ATP1B1: variants seen among roughly 807,000 people sequenced by gnomAD.
ATP1B1 encodes ATPase Na+/K+ transporting subunit beta 1.
In ATP1B1, 3 loss-of-function variants were observed where a neutral mutation model predicts 39.6. The observed-to-expected ratio is 0.08, with a 90% CI of 0.03 to 0.20. ATP1B1 has a LOEUF of 0.20. Among genes scored for constraint, ATP1B1 ranks in the 10% least tolerant of loss-of-function variants. ATP1B1 has a pLI of 1.00. For synonymous variants in ATP1B1, 139 were observed against 135.0 expected (o/e 1.03, Z -0.20); for missense variants, 216 against 371.1 (o/e 0.58, Z 3.43).
At chr1:169,120,956 T>TC in intron 2 of ATP1B1, among the ~76,000 whole-genome samples, 1 of 149,684 alleles carries the variant, frequency 6.7e-6, no homozygotes. Context: ...TTTTCTTTTT[T>TC]TTTTTTTTTG....
At chr1:169,117,153 T>C in intron 2 of ATP1B1, among the ~76,000 whole-genome samples, 1 of 152,202 alleles carries the variant, frequency 6.6e-6, no homozygotes, top group Non-Finnish European at 1.5e-5. Context: ...ATCTCTCAGC[T>C]GACGCGATGT....
chr1:169,124,545 C>T (rs112003214), intron 2 of ATP1B1, among the ~76,000 whole-genome samples: 207 of 152,316 alleles, frequency 1.4e-3, no homozygotes, highest in Non-Finnish European at 2.4e-3. Flanking sequence ...TGGAGTACAG[C>T]ACACCTGGGT....
In ATP1B1 at chr1:169,131,650, TG is replaced by T; in HGVS notation, c.*98del. ...AGTCTTGAACAAACTGTCATACGTA[TG>T]GGACCTACACTTAATCTATATGCTT... On this transcript the variant is annotated 3_prime_UTR_variant, in exon 6 of 6. Transcript: ENST00000367815. This position sits in a 1 kb window ranked among gnomAD's most constrained non-coding sequence, Gnocchi z 4.4. The T allele has an allele frequency of 1.5e-6, 2 of 1,376,942 alleles. No individual in the cohort carries two copies. The highest frequency in any genetic ancestry group is 2.0e-6 in the Non-Finnish European group (2 of 1,013,928). 85.3% of individuals were successfully genotyped at this position (1,376,942 alleles called of 1,614,324 possible). A position where few individuals can be genotyped will look rare whatever the true frequency, so the allele number is the denominator to read the frequency against.
intron 1 of ATP1B1, among the ~76,000 whole-genome samples, chr1:169,111,145 C>T (rs1433484092): frequency 6.6e-6 from 1 of 151,976 alleles, no homozygotes; most frequent in African/African-American, 2.4e-5. Flanking sequence ...CTGAACATTC[C>T]TCCTACCCTT....
chr1:169,115,499 C>T lies in ATP1B1; in HGVS notation c.226+4001C>T, dbSNP rs531125979. 3.9e-5 allele frequency among the ~76,000 whole-genome samples: 6 copies of T among 151,936 alleles called. No individual in the cohort carries two copies. In the East Asian group the frequency reaches 9.9e-4, roughly 25 times the overall value. ...GAGTAGCTGGGGCTACAGGTGCGCG[C>T]CACCATGCCCAGCTAATTTTTGTAT... On this transcript the variant is annotated intron_variant, in intron 2 of 5. Transcript: ENST00000367815.
In ATP1B1 at chr1:169,127,227, T is replaced by C. The variant is rs748184135; in HGVS notation, c.386T>C (p.Val129Ala). ...DDMIFEDCGD[V>A]PSEPKERGDF... is the part of the protein sequence containing the mutation. ...AAAGTTGTGTTTTTATTTTTAGATG[T>C]GCCCAGTGAACCGAAAGAACGAGGA... Residue 129 changes from valine (V) to alanine (A), a missense_variant, in exon 4 of 6, where the codon GTG (valine) becomes GCG (alanine). Physicochemically the swap from Val to Ala is moderately conservative, Grantham distance 64. Transcript: ENST00000367815. 6.4e-7 allele frequency: 1 copy of C among 1,570,028 alleles called. No individual in the cohort carries two copies. Among genetic ancestry groups the C allele is most frequent in the South Asian group, 1.2e-5 (1 of 81,178 alleles).
Position 169,132,253 on chromosome 1 carries a change from G to T in ATP1B1, c.*698G>T. On this transcript the variant is annotated 3_prime_UTR_variant, in exon 6 of 6. Coordinates refer to ENST00000367815, the MANE Select transcript of ATP1B1 (RefSeq NM_001677.4). ...TTGTGTTATGCTTGTATTGAATGCT[G>T]TCTTGACATCTCTTGCCTTGTCCTC... The T allele has an allele frequency of 3.2e-6, 2 of 618,666 alleles. No individual in the cohort carries two copies. The highest frequency in any genetic ancestry group is 5.8e-6 in the Non-Finnish European group (2 of 342,380). The allele number at this position is 618,666 out of a possible 1,614,324, so 38.3% of individuals were successfully genotyped here.
At chr1:169,113,374 G>A (rs1185302822) in intron 2 of ATP1B1, among the ~76,000 whole-genome samples, 2 of 151,770 alleles carry the variant, frequency 1.3e-5, no homozygotes, top group Admixed American at 6.6e-5. Context: ...GCCTGCTGCT[G>A]TTTTATAATT....
rs1657732024 is a variant in ATP1B1 at position 169,111,559 on chromosome 1, T to C, written c.226+61T>C. The C allele has an allele frequency of 1.9e-6, 3 of 1,565,682 alleles. No homozygotes were observed. In the Admixed American group the frequency reaches 5.8e-5, roughly 30 times the overall value. On this transcript the variant is annotated intron_variant, in intron 2 of 5. Coordinates refer to ENST00000367815, the MANE Select transcript of ATP1B1 (RefSeq NM_001677.4). Reference sequence around the variant, plus strand: ...GATAGCATGGGTGTCACTTTTTCTATTGAGAAAAAATTCTTTGGAAAATTA... The same window carrying C: ...GATAGCATGGGTGTCACTTTTTCTACTGAGAAAAAATTCTTTGGAAAATTA...
chr1:169,124,559 A>T (rs987869210), intron 2 of ATP1B1, among the ~76,000 whole-genome samples: 2 of 152,170 alleles, frequency 1.3e-5, no homozygotes, highest in African/African-American at 4.8e-5. Context: ...CCTGGGTTGG[A>T]ATTCTGGTTC....
chr1:169,121,792 C>T (rs1200846185), intron 2 of ATP1B1, among the ~76,000 whole-genome samples: 1 of 152,154 alleles, frequency 6.6e-6, no homozygotes, highest in Non-Finnish European at 1.5e-5. Context: ...TGAGACTCTC[C>T]AAATCTCAGT....
At chr1:169,117,863 G>A (rs1657884901) in intron 2 of ATP1B1, among the ~76,000 whole-genome samples, 1 of 152,184 alleles carries the variant, frequency 6.6e-6, no homozygotes, top group Admixed American at 6.5e-5. Flanking sequence ...ACATGCATGA[G>A]TAGATCTTAT....
At chr1:169,129,936 A>G in intron 4 of ATP1B1, 74 bp from the exon 5 acceptor site, 4 of 1,439,968 alleles carry the variant, frequency 2.8e-6, no homozygotes, top group Non-Finnish European at 3.9e-6. Context: ...TGTTTGGACT[A>G]CGGAGTAGTT....
intron 2 of ATP1B1, among the ~76,000 whole-genome samples, chr1:169,114,759 C>T (rs1657804552): frequency 6.6e-6 from 1 of 152,112 alleles, no homozygotes; most frequent in Admixed American, 6.6e-5. Flanking sequence ...TGTGGTAGCT[C>T]ATGCCTGTAA....
intron 2 of ATP1B1, among the ~76,000 whole-genome samples, chr1:169,112,032 T>C (rs1474883471): frequency 6.6e-6 from 1 of 152,230 alleles, no homozygotes; most frequent in Non-Finnish European, 1.5e-5. Flanking sequence ...TTTAGGGGTC[T>C]ATTGTCCCAC....
At chr1:169,124,607 C>T (rs574301344) in intron 2 of ATP1B1, among the ~76,000 whole-genome samples, 37 of 152,154 alleles carry the variant, frequency 2.4e-4, no homozygotes, top group Non-Finnish European at 2.1e-4. Flanking sequence ...GGTAGTTAAT[C>T]TTTCAGTGCA....
chr1:169,111,879 T>G (rs1167791749), intron 2 of ATP1B1, among the ~76,000 whole-genome samples: 1 of 152,222 alleles, frequency 6.6e-6, no homozygotes, highest in Non-Finnish European at 1.5e-5. Context: ...ACAGACATTT[T>G]TTTACTTCTT....
intron 3 of ATP1B1, among the ~76,000 whole-genome samples, chr1:169,125,495 T>C (rs1341994109): frequency 6.6e-6 from 1 of 152,226 alleles, no homozygotes; most frequent in Non-Finnish European, 1.5e-5. Context: ...GGTATACTTT[T>C]ATTGATCCTG....
At chr1:169,123,393 C>G (rs1039059330) in intron 2 of ATP1B1, among the ~76,000 whole-genome samples, 2 of 151,170 alleles carry the variant, frequency 1.3e-5, no homozygotes, top group African/African-American at 4.9e-5. Flanking sequence ...CTTTCCTGAC[C>G]TGCTGGGAGG....
Sources: allele counts gnomAD v4.1 joint callset (sites outside exome capture counted in the v4.1 genomes callset), GRCh38; gene constraint gnomAD v4.1.1; non-coding constraint Gnocchi (gnomAD v3.1); transcripts MANE v1.5; gene names NCBI Gene and HGNC (gene_info 2026-07-23, HGNC 2026-07-21).